RELL1: variants seen among roughly 807,000 people sequenced by gnomAD.
RELL1 encodes the protein RELT-like protein 1.
A neutral mutation model predicts 23.0 loss-of-function variants in RELL1; 10 were observed. The ratio of observed to expected loss-of-function variants is 0.43; its 90% confidence interval spans 0.27 to 0.74. RELL1 has a LOEUF of 0.74. Among genes scored for constraint, RELL1 ranks in the 30% least tolerant of loss-of-function variants. The probability of loss-of-function intolerance (pLI) is 0.19; values close to 1 mark genes in which losing one functional copy is unlikely to be tolerated. For synonymous variants in RELL1, 146 were observed against 146.8 expected, an observed-to-expected ratio of 0.99 and a Z score of 0.04; for missense variants, 315 against 364.4, an observed-to-expected ratio of 0.86 and a Z score of 1.10.
chr4:37,639,376 T>C (rs1266756744), intron 3 of RELL1, among the ~76,000 whole-genome samples: 1 of 111,716 alleles, frequency 9.0e-6, no homozygotes, highest in African/African-American at 3.7e-5. Flanking sequence ...GAAGCGAGAC[T>C]CTGTCTCAAA....
chr4:37,671,660 T>G (rs1721836846), intron 1 of RELL1, among the ~76,000 whole-genome samples: 1 of 152,108 alleles, frequency 6.6e-6, no homozygotes, highest in African/African-American at 2.4e-5. Flanking sequence ...TCACGAATAA[T>G]CCACCCCTTG....
At chr4:37,672,107 G>A (rs1259375882) in intron 1 of RELL1, among the ~76,000 whole-genome samples, 1 of 152,118 alleles carries the variant, frequency 6.6e-6, no homozygotes, top group African/African-American at 2.4e-5. Context: ...TTTTAACCAA[G>A]TTTTTATCAC....
rs145023640 is a variant in RELL1, at chr4:37,681,400, T to G, written c.88+4800A>C. 4.6e-3 allele frequency among the ~76,000 whole-genome samples: 705 copies of G among 151,744 alleles called. 4 individuals carry two copies. The highest frequency in any genetic ancestry group is 0.025 in the South Asian group (119 of 4,818). On this transcript the variant is annotated intron_variant, in intron 1 of 6. Transcript: ENST00000454158. ...ACCCAGAACTTTCAGAGACAAGAGC[T>G]CAGTAAGACAGAGCAGCCAGTAGGA...
downstream of RELL1, chr4:37,590,495 G>A: frequency 1.2e-6 from 2 of 1,613,882 alleles, no homozygotes; most frequent in Admixed American, 1.7e-5. Flanking sequence ...AAACAGGACT[G>A]TGTGCTGCTG....
chr4:37,644,897 T>C (rs770788108), intron 3 of RELL1, among the ~76,000 whole-genome samples: 1 of 152,060 alleles, frequency 6.6e-6, no homozygotes, highest in African/African-American at 2.4e-5. Context: ...CAGTAAGTGG[T>C]TAAAATAACA....
intron 3 of RELL1, among the ~76,000 whole-genome samples, chr4:37,639,050 T>C (rs1720431948): frequency 6.6e-6 from 1 of 152,162 alleles, no homozygotes; most frequent in African/African-American, 2.4e-5. Context: ...CCAGATGAGC[T>C]TCAGGATCAT....
chr4:37,653,415 A>AT lies in RELL1; in HGVS notation c.89-3916_89-3915insA, dbSNP rs1280943427. Among the ~76,000 whole-genome samples the AT allele has an allele frequency of 5.5e-3, 554 of 101,520 alleles. 4 individuals are homozygous for AT. Among genetic ancestry groups the AT allele is most frequent in the African/African-American group, 0.019 (519 of 27,422 alleles). The allele number at this position is 101,520 out of a possible 152,430, so 66.6% of individuals were successfully genotyped here. On this transcript the variant is annotated intron_variant, in intron 1 of 6. Transcript: ENST00000454158. Reference sequence around the variant, plus strand: ...CCTCAATATTCAATACAAGTATTGAAACCTCAATATTCAATACAAGTATTG... The same window carrying AT: ...CCTCAATATTCAATACAAGTATTGAATACCTCAATATTCAATACAAGTATTG...
At chr4:37,670,590 A>C (rs1421395050) in intron 1 of RELL1, among the ~76,000 whole-genome samples, 1 of 142,690 alleles carries the variant, frequency 7.0e-6, no homozygotes, top group African/African-American at 2.8e-5. Flanking sequence ...TTTTTTTTTG[A>C]GATGGAGTCT....
At chr4:37,670,863 C>T (rs1428711281) in intron 1 of RELL1, among the ~76,000 whole-genome samples, 1 of 152,200 alleles carries the variant, frequency 6.6e-6, no homozygotes, top group African/African-American at 2.4e-5. Flanking sequence ...TGAGCCACCG[C>T]ACCCGGCCGC....
intron 1 of RELL1, among the ~76,000 whole-genome samples, chr4:37,685,728 A>C (rs895408307): frequency 6.6e-6 from 1 of 152,282 alleles, no homozygotes; most frequent in African/African-American, 2.4e-5. Flanking sequence ...AAAGAGATTC[A>C]AAGTCCTCCA....
downstream of RELL1, chr4:37,590,639 C>A (rs1401066349): frequency 6.2e-7 from 1 of 1,614,158 alleles, no homozygotes; most frequent in South Asian, 1.1e-5. Flanking sequence ...TGGGGCCCAG[C>A]TGGAGACAAC....
chr4:37,651,187 G>A (rs1720924991), intron 1 of RELL1, among the ~76,000 whole-genome samples: 1 of 152,182 alleles, frequency 6.6e-6, no homozygotes, highest in Non-Finnish European at 1.5e-5. Flanking sequence ...TGGGCACAGT[G>A]GCACATGCCT....
At position 37,612,337 on chromosome 4, in the gene RELL1, AAC is replaced by A. The variant is rs373546431; in HGVS notation, c.*1007_*1008del. Among the ~76,000 whole-genome samples the A allele has an allele frequency of 0.55, 56,581 of 103,454 alleles. 11,596 individuals carry two copies. The highest frequency in any genetic ancestry group is 0.62 in the Admixed American group (6,861 of 11,124). 67.9% of individuals were successfully genotyped at this position (103,454 alleles called of 152,430 possible). ...AGCTAAAGGTTAAAAAAAAAAAAAA[AAC>A]AAAAAAAAACAAAAAACCGGGTGCA... On this transcript the variant is annotated 3_prime_UTR_variant, in exon 7 of 7. Transcript: ENST00000454158.
chr4:37,649,246 C>G, intron 2 of RELL1, 30 bp downstream of exon 2: 1 of 1,549,102 alleles, frequency 6.5e-7, no homozygotes, highest in East Asian at 2.2e-5. Flanking sequence ...TGTCTCCTCA[C>G]CCCCAATAAA....
downstream of RELL1, among the ~76,000 whole-genome samples, chr4:37,609,672 A>G (rs555828133): frequency 1.3e-5 from 2 of 152,374 alleles, no homozygotes; most frequent in South Asian, 4.1e-4. Context: ...GGAGTCTGGA[A>G]GTTGATTCCA....
At chr4:37,604,888 G>GACACACACACACAC (rs757621847) in intron 6 of RELL1, among the ~76,000 whole-genome samples, 1 of 63,458 alleles carries the variant, frequency 1.6e-5, no homozygotes, top group African/African-American at 7.6e-5. Context: ...CATACACACA[G>GACACACACACACAC]ACACACACAC....
At position 37,631,480 on chromosome 4, in the gene RELL1, G is replaced by T. The variant is rs777989836; in HGVS notation, c.724C>A (p.Arg242=). 4 of 1,614,054 alleles carry T rather than the reference G, an allele frequency of 2.5e-6. No individual in the cohort carries two copies. The highest frequency in any genetic ancestry group is 3.4e-6 in the Non-Finnish European group (4 of 1,179,998). The change falls in exon 6 of 7, where the codon CGG becomes AGG. Residue 242 remains arginine (R), a synonymous_variant. Transcript: ENST00000454158. ...KVEHKSNQKE[R]RSLMSVSGAE... ...CCACTAACAGACATCAGGCTTCTCC[G>T]TTCCTTCTGGTTTGACTTGTGCTCC...
In RELL1 at chr4:37,612,168, C is replaced by T. The variant is rs1719409784; in HGVS notation, c.*1178G>A. On this transcript the variant is annotated 3_prime_UTR_variant, in exon 7 of 7. Transcript: ENST00000454158. ...CTCCAGCCTGGGCGACAGAGCGAGA[C>T]TCCGCCTCAAAAAAAAAAAAAAAAA... is the stretch of plus-strand genomic sequence containing the variant. Among the ~76,000 whole-genome samples, 1 of 91,364 alleles carries T rather than the reference C, an allele frequency of 1.1e-5. No homozygotes were observed. The highest frequency in any genetic ancestry group is 2.0e-5 in the Non-Finnish European group (1 of 50,572). 59.9% of individuals were successfully genotyped at this position (91,364 alleles called of 152,430 possible).
intron 1 of RELL1, among the ~76,000 whole-genome samples, chr4:37,655,898 C>T (rs112032229): frequency 1.7e-4 from 26 of 152,290 alleles, no homozygotes; most frequent in African/African-American, 4.8e-4. Context: ...AACTAAAATA[C>T]GAAGGAACTG....
Sources: allele counts gnomAD v4.1 joint callset (sites outside exome capture counted in the v4.1 genomes callset), GRCh38; gene constraint gnomAD v4.1.1; transcripts MANE v1.5; gene names NCBI Gene and HGNC (gene_info 2026-07-23, HGNC 2026-07-21).